CAPN14: variants seen among roughly 807,000 people sequenced by gnomAD.
CAPN14 encodes the protein calpain 14, also known as calpain-14.
In CAPN14, 94 loss-of-function variants were observed where a neutral mutation model predicts 101.3. The ratio of observed to expected loss-of-function variants is 0.93; its 90% CI spans 0.79 to 1.10. The LOEUF (loss-of-function observed/expected upper bound fraction) is 1.10. CAPN14 is among the 50% of genes least tolerant of loss of function. CAPN14 has a pLI of 0.00. For synonymous variants in CAPN14, 338 were observed against 317.9 expected (o/e 1.06, Z -0.67); for missense variants, 837 against 828.4 (o/e 1.01, Z -0.13).
upstream of CAPN14, among the ~76,000 whole-genome samples, chr2:31,219,024 T>C (rs1682774472): frequency 6.6e-6 from 1 of 152,112 alleles, no homozygotes; most frequent in Non-Finnish European, 1.5e-5. Flanking sequence ...TCCTGGCCCT[T>C]AGTTATCTTC....
In CAPN14 at chr2:31,188,334, C is replaced by T; in HGVS notation, c.1514G>A (p.Gly505Asp). 2 of 1,551,606 alleles carry T rather than the reference C, an allele frequency of 1.3e-6. No individual in the cohort carries two copies. The highest frequency in any genetic ancestry group is 1.2e-5 in the South Asian group (1 of 84,056). The change falls in exon 14 of 22, where the codon GGT becomes GAT. Residue 505 changes from glycine to aspartate, a missense_variant. Transcript: ENST00000403897. Reference protein sequence around the residue: ...HIFYEIGSNSGVVFSKEIEDQ... With the variant: ...HIFYEIGSNSDVVFSKEIEDQ... ...ACTACTCACCTTTGAGAAGACGACA[C>T]CAGAATTGCTGCCAATTTCACTGAG... is the stretch of plus-strand genomic sequence containing the variant.
chr2:31,193,426 A>T, intron 9 of CAPN14, 132 bp from the exon 10 acceptor site: 1 of 898,930 alleles, frequency 1.1e-6, no homozygotes, highest in South Asian at 1.7e-5. Context: ...GCTCTTGTGC[A>T]GAGCTGAGCT....
At position 31,173,794 on chromosome 2, in the gene CAPN14, T is replaced by C; in HGVS notation, c.*887A>G. ...TTGTTCTGGTTTTGCACCTGTATTC[T>C]TGGTTGAGAGGGATGACATAAACAA... On this transcript the variant is annotated 3_prime_UTR_variant, in exon 22 of 22. Coordinates refer to ENST00000403897, the MANE Select transcript of CAPN14 (RefSeq NM_001145122.2). 1 of 152,210 alleles carries C rather than the reference T, an allele frequency of 6.6e-6. No homozygotes were observed. The highest frequency in any genetic ancestry group is 1.5e-5 in the Non-Finnish European group (1 of 68,044). The allele number at this position is 152,210 out of a possible 1,614,324, so 9.4% of individuals were successfully genotyped here.
chr2:31,193,428 A>C, intron 9 of CAPN14, 134 bp from the exon 10 acceptor site: 2 of 881,290 alleles, frequency 2.3e-6, no homozygotes, highest in Non-Finnish European at 3.4e-6. Flanking sequence ...TCTTGTGCAG[A>C]GCTGAGCTGA....
At chr2:31,176,712 A>T in intron 20 of CAPN14, 70 bp from the exon 21 acceptor site, 1 of 1,364,288 alleles carries the variant, frequency 7.3e-7, no homozygotes, top group Non-Finnish European at 1.0e-6. Context: ...AGTTCCTCCC[A>T]TATGTCTCAC....
At chr2:31,219,638 C>G (rs1454714482), upstream of CAPN14, among the ~76,000 whole-genome samples, 1 of 152,184 alleles carries the variant, frequency 6.6e-6, no homozygotes, top group Admixed American at 6.5e-5. Context: ...GTTCTAAGTC[C>G]TGGAGGCAAA....
chr2:31,180,935 C>T lies in CAPN14; in HGVS notation c.1710+1G>A, dbSNP rs773883138. On this transcript the variant is annotated splice_donor_variant, in intron 17 of 21. Coordinates refer to ENST00000403897, the MANE Select transcript of CAPN14 (RefSeq NM_001145122.2). LOFTEE classifies it high-confidence loss of function. ...ATCCACCCACAAACCTGAAAGGATA[C>T]GTCCAGTAAGGCCAGGATCCCCTGG... 60 of 1,551,364 alleles carry T rather than the reference C, an allele frequency of 3.9e-5. No homozygotes were observed. The highest frequency in any genetic ancestry group is 4.8e-5 in the South Asian group (4 of 84,036).
At chr2:31,233,577 G>A (rs968917559) in intron 1 of CAPN14, among the ~76,000 whole-genome samples, 1 of 152,080 alleles carries the variant, frequency 6.6e-6, no homozygotes, top group Non-Finnish European at 1.5e-5. Flanking sequence ...AATTGTAACT[G>A]CCCCATAATA....
At chr2:31,231,145 T>C (rs1014576938) in intron 1 of CAPN14, among the ~76,000 whole-genome samples, 24 of 151,920 alleles carry the variant, frequency 1.6e-4, no homozygotes, top group African/African-American at 5.3e-4. Context: ...CACCTCTCCC[T>C]CTCCTCCTCC....
chr2:31,174,375 G>C lies in CAPN14; in HGVS notation c.*306C>G, dbSNP rs542626294. ...TGTTGTATGGAGGCTAACCACACCA[G>C]CTCTGGAGTCAGAATGCTTAGGCCA... On this transcript the variant is annotated 3_prime_UTR_variant, in exon 22 of 22. Transcript: ENST00000403897. The C allele has an allele frequency of 1.1e-5, 6 of 524,186 alleles. No individual in the cohort carries two copies. The highest frequency in any genetic ancestry group is 3.8e-5 in the African/African-American group (2 of 52,272). The allele number at this position is 524,186 out of a possible 1,614,324, so 32.5% of individuals were successfully genotyped here.
chr2:31,203,898 G>C (rs1008150538), intron 2 of CAPN14, among the ~76,000 whole-genome samples: 1 of 152,192 alleles, frequency 6.6e-6, no homozygotes, highest in Non-Finnish European at 1.5e-5. Flanking sequence ...CAAGTTTCAG[G>C]GAGATGGATT....
At chr2:31,225,497 A>G (rs1175186910) in intron 2 of CAPN14, among the ~76,000 whole-genome samples, 1 of 152,068 alleles carries the variant, frequency 6.6e-6, no homozygotes, top group Non-Finnish European at 1.5e-5. Flanking sequence ...CATTTATTAA[A>G]TATATACAAA....
At chr2:31,214,288 A>G (rs550639318) in intron 1 of CAPN14, among the ~76,000 whole-genome samples, 1 of 152,330 alleles carries the variant, frequency 6.6e-6, no homozygotes, top group South Asian at 2.1e-4. Flanking sequence ...GAGATAAAGG[A>G]AGTTAAAAAC....
At position 31,230,264 on chromosome 2, in the gene CAPN14, A is replaced by G. The variant is rs1480152372; in HGVS notation, c.-177+3527T>C. Among the ~76,000 whole-genome samples, 1 of 152,214 alleles carries G rather than the reference A, an allele frequency of 6.6e-6. No individual in the cohort carries two copies. The highest frequency in any genetic ancestry group is 1.5e-5 in the Non-Finnish European group (1 of 68,046). On this transcript the variant is annotated intron_variant and NMD_transcript_variant, in intron 1 of 21. Transcript: ENST00000398824. This position sits in a 1 kb window ranked among gnomAD's most constrained non-coding sequence, Gnocchi z 4.3. ...CATTTATCCATTTACTCGGTGAAGGACATTTAGTTGTTTATAAATTTTTGC... is the reference window on the plus strand; with the variant it reads ...CATTTATCCATTTACTCGGTGAAGGGCATTTAGTTGTTTATAAATTTTTGC...
chr2:31,225,977 A>T (rs1282930441), intron 2 of CAPN14, among the ~76,000 whole-genome samples: 1 of 152,224 alleles, frequency 6.6e-6, no homozygotes, highest in African/African-American at 2.4e-5. Context: ...GCGACTATTC[A>T]TACCAGATAT....
chr2:31,181,468 C>CTCTT (rs1680619499), intron 16 of CAPN14, among the ~76,000 whole-genome samples: 1 of 92,950 alleles, frequency 1.1e-5, no homozygotes, highest in African/African-American at 5.0e-5. Context: ...TTCTCTTTTT[C>CTCTT]TTTCTTTTCT....
chr2:31,215,062 C>A (rs1402040175), intron 1 of CAPN14, among the ~76,000 whole-genome samples: 1 of 152,184 alleles, frequency 6.6e-6, no homozygotes, highest in East Asian at 1.9e-4. Flanking sequence ...CTCTGTTCCC[C>A]TCCAGCTGCC....
rs745984537 is a variant in CAPN14 at position 31,189,492 on chromosome 2, AC to A, written c.1288-15del. On this transcript the variant is annotated splice_polypyrimidine_tract_variant and intron_variant, in intron 12 of 21. Transcript: ENST00000403897. ...GTCATCATGGTACTGTGGGTAGAGG[AC>A]AGAAGAACAGCAAGGGAGGTGATGA... The A allele has an allele frequency of 1.3e-6, 2 of 1,545,510 alleles. No individual in the cohort carries two copies. Among genetic ancestry groups the A allele is most frequent in the Non-Finnish European group, 1.7e-6 (2 of 1,142,854 alleles).
At chr2:31,176,966 G>A in intron 20 of CAPN14, 60 bp downstream of exon 20, 2 of 1,222,954 alleles carry the variant, frequency 1.6e-6, no homozygotes, top group Admixed American at 2.0e-5. Context: ...CTAGGGACAG[G>A]TGGGAAGTCA....
Sources: gnomAD v4.1 joint callset for allele counts (sites outside exome capture counted in the v4.1 genomes callset) on GRCh38, gnomAD v4.1.1 for gene constraint, Gnocchi (gnomAD v3.1) non-coding constraint, MANE v1.5 for transcripts, NCBI Gene and HGNC (gene_info 2026-07-23, HGNC 2026-07-21) for gene names.